KLF16: variants seen among roughly 807,000 people sequenced by gnomAD.
KLF16 encodes KLF transcription factor 16.
Under a neutral mutation model 6.1 loss-of-function variants are expected in KLF16, and 6 were observed. That is an observed-to-expected ratio of 0.98 (90% CI 0.54 to 1.93). KLF16 has a LOEUF of 1.93. KLF16 is among the 30% of genes most tolerant of loss of function. The pLI is 0.01. For synonymous variants in KLF16, 211 were observed against 176.5 expected (o/e 1.20, Z -1.55); for missense variants, 355 against 363.8 (o/e 0.98, Z 0.20).
rs1210431493 is a variant in KLF16, at chr19:1,854,118, C to A, written c.*341G>T. On this transcript the variant is annotated 3_prime_UTR_variant, in exon 2 of 2. Transcript: ENST00000250916. ...GGCCGGCTCCCAGAAGTCCACTCCA[C>A]CCCCCCAAACCCCACCCCGGGAGGG... 1.5e-5 allele frequency: 4 copies of A among 260,548 alleles called. No homozygotes were observed. Among genetic ancestry groups the A allele is most frequent in the Non-Finnish European group, 2.9e-5 (4 of 139,154 alleles). The allele number at this position is 260,548 out of a possible 1,614,324, so 16.1% of individuals were successfully genotyped here.
chr19:1,873,213 G>A, the KLF16 span, among the ~76,000 whole-genome samples: 1 of 152,340 alleles, frequency 6.6e-6, no homozygotes, highest in Admixed American at 6.5e-5. Flanking sequence ...TGCAGCCACA[G>A]CGTCATAAGA....
upstream of KLF16, among the ~76,000 whole-genome samples, chr19:1,864,725 G>A (rs1478824039): frequency 1.3e-5 from 2 of 152,216 alleles, no homozygotes; most frequent in Non-Finnish European, 2.9e-5. Context: ...CGGGCCTCCC[G>A]GCCGCGAGGA....
intron 1 of KLF16, among the ~76,000 whole-genome samples, chr19:1,859,989 G>A (rs1459391824): frequency 6.6e-6 from 1 of 152,134 alleles, no homozygotes; most frequent in Non-Finnish European, 1.5e-5. Flanking sequence ...CAAATGTCTC[G>A]GTAAGTGCGG....
chr19:1,856,418 GCAGA>G (rs1208334001), intron 1 of KLF16, among the ~76,000 whole-genome samples: 1 of 152,184 alleles, frequency 6.6e-6, no homozygotes, highest in Non-Finnish European at 1.5e-5. Context: ...AAACAAGACT[GCAGA>G]CAGAGACCAG....
At chr19:1,862,564 G>A (rs1180039309) in intron 1 of KLF16, among the ~76,000 whole-genome samples, 1 of 152,038 alleles carries the variant, frequency 6.6e-6, no homozygotes, top group Admixed American at 6.5e-5. Flanking sequence ...CCGACCTCTG[G>A]GGAGAATCCG....
intron 1 of KLF16, among the ~76,000 whole-genome samples, chr19:1,855,206 C>G (rs1007936205): frequency 2.0e-5 from 3 of 152,170 alleles, no homozygotes; most frequent in Non-Finnish European, 4.4e-5. Flanking sequence ...CAGGGGCATG[C>G]AGGGGCCTCC....
At chr19:1,856,939 G>A (rs892681627) in intron 1 of KLF16, among the ~76,000 whole-genome samples, 18 of 146,194 alleles carry the variant, frequency 1.2e-4, no homozygotes, top group Non-Finnish European at 2.3e-4. Context: ...TTGCAAGGAG[G>A]AGCAGGTTGC....
chr19:1,859,048 T>TG lies in KLF16; in HGVS notation c.457+3992dup, dbSNP rs369690551. ...TGCACTCTGCAGGCTGGAGAGGCGG[T>TG]GGGTGGGGGAGGGCAGTCCCTGGCC... On this transcript the variant is annotated intron_variant, in intron 1 of 1. Coordinates refer to ENST00000250916, the MANE Select transcript of KLF16 (RefSeq NM_031918.4). 3.5e-3 allele frequency among the ~76,000 whole-genome samples: 535 copies of TG among 151,958 alleles called. 22 individuals are homozygous for TG. In the East Asian group the frequency reaches 0.087, roughly 25 times the overall value.
At position 1,854,123 on chromosome 19, in the gene KLF16, C is replaced by A. The variant is rs148718674; in HGVS notation, c.*336G>T. The A allele has an allele frequency of 0.012, 3,432 of 277,910 alleles. 29 individuals carry two copies. Among genetic ancestry groups the A allele is most frequent in the Non-Finnish European group, 0.019 (2,800 of 150,472 alleles). The allele number at this position is 277,910 out of a possible 1,614,324, so 17.2% of individuals were successfully genotyped here. ...GCTCCCAGAAGTCCACTCCACCCCC[C>A]CAAACCCCACCCCGGGAGGGGGGCA... On this transcript the variant is annotated 3_prime_UTR_variant, in exon 2 of 2. Coordinates refer to ENST00000250916, the MANE Select transcript of KLF16 (RefSeq NM_031918.4).
upstream of KLF16, among the ~76,000 whole-genome samples, chr19:1,868,281 C>T (rs1223907671): frequency 2.0e-5 from 3 of 152,082 alleles, no homozygotes; most frequent in East Asian, 5.8e-4. Flanking sequence ...CAATGGGCCC[C>T]GGGACATCCA....
rs964887670 is a variant in KLF16 at position 1,856,961 on chromosome 19, G to C, written c.458-2201C>G. Among the ~76,000 whole-genome samples the C allele has an allele frequency of 6.5e-5, 9 of 137,450 alleles. 1 individual carries two copies. In the South Asian group the frequency reaches 1.7e-3, roughly 25 times the overall value. The allele number at this position is 137,450 out of a possible 152,430, so 90.2% of individuals were successfully genotyped here. A position where few individuals can be genotyped will look rare whatever the true frequency, so the allele number is the denominator to read the frequency against. The stretch of plus-strand genomic sequence containing the variant: ...GAGGAGCAGGTTGCCGGGGTGGGGG[G>C]GGCGACCGGGGCAGGGGCGCGCAGC... On this transcript the variant is annotated intron_variant, in intron 1 of 1. Coordinates refer to ENST00000250916, the MANE Select transcript of KLF16 (RefSeq NM_031918.4).
chr19:1,864,434 C>T (rs1031384540), upstream of KLF16, among the ~76,000 whole-genome samples: 2 of 151,144 alleles, frequency 1.3e-5, no homozygotes, highest in African/African-American at 2.4e-5. Context: ...CGGCGGGGCC[C>T]GGGAGGGTGG....
the KLF16 span, among the ~76,000 whole-genome samples, chr19:1,873,074 G>A: frequency 6.6e-6 from 1 of 152,208 alleles, no homozygotes; most frequent in Non-Finnish European, 1.5e-5. Context: ...CAGGCCAAGA[G>A]GACAGAATCA....
At position 1,857,849 on chromosome 19, in the gene KLF16, A is replaced by C. The variant is rs2011986395; in HGVS notation, c.458-3089T>G. The stretch of plus-strand genomic sequence containing the variant: ...CTCTTACCCACCCAGGGAAGGGAGG[A>C]GCTCCTGAAGGTGATCCTTGAGCAG... On this transcript the variant is annotated intron_variant, in intron 1 of 1. Coordinates refer to ENST00000250916, the MANE Select transcript of KLF16 (RefSeq NM_031918.4). This position sits in a 1 kb window ranked among gnomAD's most constrained non-coding sequence, Gnocchi z 4.7. Among the ~76,000 whole-genome samples, 1 of 151,964 alleles carries C rather than the reference A, an allele frequency of 6.6e-6. No homozygotes were observed. The highest frequency in any genetic ancestry group is 2.1e-4 in the South Asian group (1 of 4,822).
chr19:1,859,752 G>A (rs975159168), intron 1 of KLF16, among the ~76,000 whole-genome samples: 8 of 152,128 alleles, frequency 5.3e-5, no homozygotes, highest in African/African-American at 1.4e-4. Flanking sequence ...CCTGGGGCGC[G>A]GGGACTGGGA....
chr19:1,855,131 T>C (rs1019418175), intron 1 of KLF16, among the ~76,000 whole-genome samples: 1 of 152,160 alleles, frequency 6.6e-6, no homozygotes, highest in Admixed American at 6.5e-5. Context: ...CCTCCCAGTG[T>C]CTGTCCCAGG....
chr19:1,868,943 G>A, the KLF16 span, among the ~76,000 whole-genome samples: 3 of 151,946 alleles, frequency 2.0e-5, no homozygotes, highest in Non-Finnish European at 2.9e-5. Flanking sequence ...GCACCCGGCC[G>A]ATGAGGGGAC....
chr19:1,864,484 G>A (rs2012151120), upstream of KLF16, among the ~76,000 whole-genome samples: 1 of 151,064 alleles, frequency 6.6e-6, no homozygotes, highest in African/African-American at 2.4e-5. Flanking sequence ...ACCCAGTTCC[G>A]GAGCTACTAG....
chr19:1,854,261 T>G lies in KLF16; in HGVS notation c.*198A>C. The G allele has an allele frequency of 1.9e-6, 1 of 540,396 alleles. No homozygotes were observed. The highest frequency in any genetic ancestry group is 3.0e-6 in the Non-Finnish European group (1 of 338,718). The allele number at this position is 540,396 out of a possible 1,614,324, so 33.5% of individuals were successfully genotyped here. ...GGCTATTTACAGACACAAGCCCCCG[T>G]CACCCATCCTGAGAGCCACCTCTGA... On this transcript the variant is annotated 3_prime_UTR_variant, in exon 2 of 2. Transcript: ENST00000250916.
Sources: allele counts gnomAD v4.1 joint callset (sites outside exome capture counted in the v4.1 genomes callset), GRCh38; gene constraint gnomAD v4.1.1; non-coding constraint Gnocchi (gnomAD v3.1); transcripts MANE v1.5; gene names NCBI Gene and HGNC (gene_info 2026-07-23, HGNC 2026-07-21).